The following CEP126 variants were observed in gnomAD, a reference collection of about 807,000 sequenced individuals.
CEP126 encodes the protein centrosomal protein 126.
Under a neutral mutation model 107.8 loss-of-function variants are expected in CEP126, and 74 were observed. That is an observed-to-expected ratio of 0.69 (90% CI 0.57 to 0.83). The LOEUF is 0.83. Among genes scored for constraint, CEP126 ranks in the 40% least tolerant of loss-of-function variants. The probability of loss-of-function intolerance (pLI) is 0.00; values close to 1 mark genes in which losing one functional copy is unlikely to be tolerated. For synonymous variants in CEP126, 449 were observed against 446.0 expected (o/e 1.01, Z -0.08); for missense variants, 1,237 against 1,281.9 (o/e 0.96, Z 0.53).
chr11:101,948,990 G>C (rs911906932), intron 4 of CEP126, among the ~76,000 whole-genome samples: 10 of 152,290 alleles, frequency 6.6e-5, no homozygotes, highest in Admixed American at 6.5e-4. Context: ...ACAAGTAAAT[G>C]TATCCTCTTG....
At chr11:101,922,302 A>T (rs1008919826) in intron 1 of CEP126, among the ~76,000 whole-genome samples, 3 of 151,800 alleles carry the variant, frequency 2.0e-5, no homozygotes, top group Non-Finnish European at 2.9e-5. Context: ...GTAGCTGGGA[A>T]TACAGGCATG....
rs373573386 is a variant in CEP126, at chr11:101,920,681, G to A, written c.129-1960G>A. Among the ~76,000 whole-genome samples the A allele has an allele frequency of 6.0e-5, 9 of 150,344 alleles. No homozygotes were observed. The East Asian group carries it at 1.8e-3, about 29-fold the overall frequency. ...TATAGTGGCGTGTTCTTAGCTCACT[G>A]CAGACTCAACCCCCTCCAAGCTCAA... On this transcript the variant is annotated intron_variant, in intron 1 of 10. Coordinates refer to ENST00000263468, the MANE Select transcript of CEP126 (RefSeq NM_020802.4).
At chr11:101,956,660 CCT>C (rs1338459861) in intron 4 of CEP126, 1 of 456,244 alleles carries the variant, frequency 2.2e-6, no homozygotes, top group South Asian at 1.5e-5. Context: ...TTCATCTATC[CCT>C]CTTTTTTCCT....
chr11:101,943,221 C>A (rs552147516), intron 2 of CEP126, among the ~76,000 whole-genome samples: 1 of 152,054 alleles, frequency 6.6e-6, no homozygotes, highest in South Asian at 2.1e-4. Context: ...ATCTTCTCCC[C>A]CACCTCTGGT....
At chr11:101,989,454 G>C (rs907940658) in intron 9 of CEP126, among the ~76,000 whole-genome samples, 1 of 152,054 alleles carries the variant, frequency 6.6e-6, no homozygotes, top group Non-Finnish European at 1.5e-5. Context: ...TATCCCCCGG[G>C]TGGCAAAAAT....
intron 4 of CEP126, among the ~76,000 whole-genome samples, chr11:101,952,706 A>G (rs1358569138): frequency 3.3e-5 from 5 of 152,186 alleles, no homozygotes; most frequent in Non-Finnish European, 7.4e-5. Context: ...TGGAAGGAGA[A>G]TGACATGTTT....
At chr11:101,985,369 G>A (rs572585659) in intron 8 of CEP126, among the ~76,000 whole-genome samples, 4 of 150,536 alleles carry the variant, frequency 2.7e-5, no homozygotes, top group East Asian at 3.9e-4. Flanking sequence ...TGCAACCTCC[G>A]CCTCTCAAGT....
rs201471185 is a variant in CEP126 at position 101,963,707 on chromosome 11, A to G, written c.2672A>G (p.His891Arg). ...TGCCAAACTTTCGCAAAAATAAATC[A>G]TTCAAATGGCACTCAAGCAGTTGCC... Reference protein sequence around the residue: ...SECQTFAKINHSNGTQAVARQ... With the variant: ...SECQTFAKINRSNGTQAVARQ... The change falls in exon 6 of 11, where the codon CAT becomes CGT. Residue 891 changes from histidine (H) to arginine (R), a missense_variant. Around this residue, in one of 3 missense-constraint regions of CEP126, gnomAD observed 1,134 missense variants for 1,150.5 expected, o/e 0.99. Coordinates refer to ENST00000263468, the MANE Select transcript of CEP126 (RefSeq NM_020802.4). The G allele has an allele frequency of 1.2e-6, 2 of 1,614,092 alleles. No homozygotes were observed. The highest frequency in any genetic ancestry group is 3.3e-5 in the Admixed American group (2 of 60,022).
At position 101,962,026 on chromosome 11, in the gene CEP126, T is replaced by G; in HGVS notation, c.991T>G (p.Leu331Val). 6.2e-7 allele frequency: 1 copy of G among 1,613,204 alleles called. No homozygotes were observed. Among genetic ancestry groups the G allele is most frequent in the Non-Finnish European group, 8.5e-7 (1 of 1,179,550 alleles). The change falls in exon 6 of 11, where the codon TTA becomes GTA. Residue 331 changes from leucine (L) to valine (V), a missense_variant. Transcript: ENST00000263468. ...TQNVTAFSDI[L>V]SKSNVLPSWE... ...GAATGTCACAGCTTTCTCAGATATTTTAAGTAAATCTAATGTTCTGCCTTC... is the reference window on the plus strand; with the variant it reads ...GAATGTCACAGCTTTCTCAGATATTGTAAGTAAATCTAATGTTCTGCCTTC...
intron 2 of CEP126, among the ~76,000 whole-genome samples, chr11:101,927,207 C>T (rs1940425694): frequency 1.3e-5 from 2 of 152,118 alleles, no homozygotes; most frequent in South Asian, 4.1e-4. Flanking sequence ...GAGGCTGAGG[C>T]AAGAGAATCT....
chr11:101,944,186 T>A (rs562468759), intron 2 of CEP126, 79 bp from the exon 3 acceptor site: 40 of 1,277,408 alleles, frequency 3.1e-5, no homozygotes, highest in Middle Eastern at 2.8e-4. Context: ...AACATTGTTA[T>A]ATAATAAATG....
At chr11:101,970,881 TTGAC>T (rs1941119357) in intron 6 of CEP126, among the ~76,000 whole-genome samples, 1 of 152,234 alleles carries the variant, frequency 6.6e-6, no homozygotes, top group Non-Finnish European at 1.5e-5. Context: ...CAGAGGATAA[TTGAC>T]TGTATAAATT....
chr11:101,961,715 TA>T, intron 5 of CEP126, 25 bp from the exon 6 acceptor site: 1 of 1,319,000 alleles, frequency 7.6e-7, no homozygotes, highest in Non-Finnish European at 1.0e-6. Context: ...TTATAAGCTA[TA>T]AAACAATGTT....
intron 4 of CEP126, among the ~76,000 whole-genome samples, chr11:101,952,334 G>A (rs189034587): frequency 7.2e-5 from 11 of 152,254 alleles, no homozygotes; most frequent in African/African-American, 1.9e-4. Context: ...TGAAAGATTC[G>A]AAGCAAACAC....
Position 101,945,732 on chromosome 11 carries a change from A to T in CEP126, c.394+1322A>T, listed in dbSNP as rs922732008. ...ACCCTCACTGTCATGGTCATATGGT[A>T]GCTGCTAGAGCTCAACCATCATACC... On this transcript the variant is annotated intron_variant, in intron 3 of 10. Coordinates refer to ENST00000263468, the MANE Select transcript of CEP126 (RefSeq NM_020802.4). 2.0e-5 allele frequency among the ~76,000 whole-genome samples: 3 copies of T among 152,160 alleles called. No individual in the cohort carries two copies. The East Asian group carries it at 5.8e-4, about 29-fold the overall frequency.
At chr11:101,995,239 G>C (rs1293316604) in intron 10 of CEP126, among the ~76,000 whole-genome samples, 2 of 152,122 alleles carry the variant, frequency 1.3e-5, no homozygotes, top group African/African-American at 2.4e-5. Flanking sequence ...ACCACCTACA[G>C]ATCTTGGTAA....
At chr11:101,919,590 A>T (rs1024939194) in intron 1 of CEP126, among the ~76,000 whole-genome samples, 2 of 152,172 alleles carry the variant, frequency 1.3e-5, no homozygotes, top group Non-Finnish European at 2.9e-5. Context: ...CTTGAATACC[A>T]TATTTGAAAT....
chr11:101,961,795 G>A lies in CEP126; in HGVS notation c.760G>A (p.Asp254Asn), dbSNP rs1409938238. The A allele has an allele frequency of 1.3e-5, 21 of 1,594,550 alleles. No homozygotes were observed. Among genetic ancestry groups the A allele is most frequent in the Non-Finnish European group, 1.7e-5 (20 of 1,173,028 alleles). The change falls in exon 6 of 11, where the codon GAC (aspartate) becomes AAC (asparagine). Residue 254 changes from aspartate (D) to asparagine (N), a missense_variant. Coordinates refer to ENST00000263468, the MANE Select transcript of CEP126 (RefSeq NM_020802.4). The stretch of plus-strand genomic sequence containing the variant: ...CAATTCTGAAACCCTCTCAAGTATA[G>A]ACAGTCTTGAGGCTACAGAGCATGA... ...ITNSETLSSI[D>N]SLEATEHEEI...
intron 4 of CEP126, among the ~76,000 whole-genome samples, chr11:101,950,501 G>T (rs886788990): frequency 6.6e-6 from 1 of 152,124 alleles, no homozygotes; most frequent in African/African-American, 2.4e-5. Context: ...GCCTAGCAAG[G>T]GTTTGCAATT....
Sources: allele counts gnomAD v4.1 joint callset (sites outside exome capture counted in the v4.1 genomes callset), GRCh38; gene constraint gnomAD v4.1.1; regional missense constraint gnomAD v4.1.1; transcripts MANE v1.5; gene names NCBI Gene and HGNC (gene_info 2026-07-23, HGNC 2026-07-21).